UTS2: variants seen among roughly 807,000 people sequenced by gnomAD.
The protein encoded by UTS2 is urotensin 2, also known as urotensin-2.
UTS2 carries 10 observed loss-of-function variants against 12.6 expected under a neutral mutation model. The ratio of observed to expected loss-of-function variants is 0.80; its 90% CI spans 0.49 to 1.35. The LOEUF is 1.35. Ranked by LOEUF, UTS2 falls within the 40% of genes most tolerant of loss-of-function variation. UTS2 has a pLI of 0.00. For synonymous variants in UTS2, 52 were observed against 50.0 expected (o/e 1.04, Z -0.17); for missense variants, 142 against 143.2 (o/e 0.99, Z 0.04).
At chr1:7,868,854 G>T in the UTS2 span, among the ~76,000 whole-genome samples, 1 of 152,168 alleles carries the variant, frequency 6.6e-6, no homozygotes, top group South Asian at 2.1e-4. Context: ...GATCATGAGG[G>T]TGAGACCCCC....
At chr1:7,906,390 A>G in the UTS2 span, among the ~76,000 whole-genome samples, 6 of 150,620 alleles carry the variant, frequency 4.0e-5, no homozygotes, top group East Asian at 7.8e-4. Context: ...ATCTCACTTT[A>G]TAGCACAGCA....
At chr1:7,904,236 C>T in the UTS2 span, among the ~76,000 whole-genome samples, 2 of 150,442 alleles carry the variant, frequency 1.3e-5, no homozygotes, top group South Asian at 2.1e-4. Flanking sequence ...AGGCCCAAGG[C>T]GGAAGGATAG....
chr1:7,848,998 G>C (rs2097410949), intron 3 of UTS2, among the ~76,000 whole-genome samples: 1 of 152,182 alleles, frequency 6.6e-6, no homozygotes. Context: ...GCTTCCAGGT[G>C]CTCCCGGTGC....
At chr1:7,908,962 A>C in the UTS2 span, among the ~76,000 whole-genome samples, 1 of 152,074 alleles carries the variant, frequency 6.6e-6, no homozygotes. Flanking sequence ...GCGTGCCACC[A>C]CACCCAGCTA....
the UTS2 span, among the ~76,000 whole-genome samples, chr1:7,903,006 TCCCTCTTCCCCTCCTTCCCCTCCTC>T: frequency 8.6e-6 from 1 of 116,874 alleles, no homozygotes; most frequent in African/African-American, 4.7e-5. Flanking sequence ...CCTCCCTCCT[TCCCTCTTCCCCTCCTTCCCCTCCTC>T]CCCTCCTTCC....
the UTS2 span, among the ~76,000 whole-genome samples, chr1:7,892,474 T>G: frequency 4.0e-5 from 5 of 125,038 alleles, no homozygotes; most frequent in African/African-American, 1.2e-4. Context: ...TGCATGTTTT[T>G]TTTTTTTTTT....
rs1234965915 is a variant in UTS2 at position 7,847,620 on chromosome 1, A to ACAT, written c.*143_*145dup. 4.5e-6 allele frequency: 3 copies of ACAT among 672,410 alleles called. No individual in the cohort carries two copies. The highest frequency in any genetic ancestry group is 5.2e-6 in the Non-Finnish European group (2 of 384,960). 41.7% of individuals were successfully genotyped at this position (672,410 alleles called of 1,614,324 possible). Reference sequence around the variant, plus strand: ...AATAACCACTCATGATATGTGCAAAACATAGAGGATTTATTTTCCAGGTAA... The same window carrying ACAT: ...AATAACCACTCATGATATGTGCAAAACATCATAGAGGATTTATTTTCCAGGTAA... On this transcript the variant is annotated 3_prime_UTR_variant, in exon 4 of 4. Coordinates refer to ENST00000361696, the MANE Select transcript of UTS2 (RefSeq NM_006786.4).
chr1:7,906,268 T>A, the UTS2 span, among the ~76,000 whole-genome samples: 1 of 152,030 alleles, frequency 6.6e-6, no homozygotes, highest in Non-Finnish European at 1.5e-5. Flanking sequence ...TTCCTTTCCA[T>A]GTTCCTGCAA....
At chr1:7,896,998 G>GA in the UTS2 span, among the ~76,000 whole-genome samples, 26 of 146,612 alleles carry the variant, frequency 1.8e-4, no homozygotes, top group African/African-American at 2.7e-4. Context: ...GTGCCTGGCT[G>GA]AAAAAAAAAA....
upstream of UTS2, among the ~76,000 whole-genome samples, chr1:7,854,382 C>T (rs1638256787): frequency 6.9e-6 from 1 of 144,718 alleles, no homozygotes; most frequent in Non-Finnish European, 1.5e-5. Flanking sequence ...CTGTCTCTAC[C>T]AAAAATACAA....
chr1:7,910,685 G>A, the UTS2 span, among the ~76,000 whole-genome samples: 1 of 152,124 alleles, frequency 6.6e-6, no homozygotes, highest in African/African-American at 2.4e-5. Context: ...GAGCAAAGAA[G>A]AAATTTTCCA....
At chr1:7,871,891 CA>C in the UTS2 span, among the ~76,000 whole-genome samples, 59,485 of 151,908 alleles carry the variant, frequency 0.39, 12,478 homozygotes, top group African/African-American at 0.53. Context: ...TGGGCCTCCT[CA>C]ATTCCCTGAG....
the UTS2 span, among the ~76,000 whole-genome samples, chr1:7,870,059 A>G: frequency 6.6e-6 from 1 of 152,154 alleles, no homozygotes; most frequent in Non-Finnish European, 1.5e-5. Context: ...GACAGTTTTC[A>G]TTTCTATTTC....
the UTS2 span, among the ~76,000 whole-genome samples, chr1:7,908,999 G>T: frequency 6.6e-6 from 1 of 151,990 alleles, no homozygotes; most frequent in African/African-American, 2.4e-5. Flanking sequence ...TAGAGACTGG[G>T]TTTTACCATA....
the UTS2 span, among the ~76,000 whole-genome samples, chr1:7,900,665 C>A: frequency 5.3e-5 from 8 of 152,060 alleles, no homozygotes; most frequent in Admixed American, 5.2e-4. Context: ...CCTGTAATCC[C>A]AGCTACTCAG....
chr1:7,895,973 C>T, the UTS2 span, among the ~76,000 whole-genome samples: 1 of 152,100 alleles, frequency 6.6e-6, no homozygotes, highest in Non-Finnish European at 1.5e-5. Flanking sequence ...CAACATGCAC[C>T]TTTATATCAG....
At chr1:7,910,038 G>A in the UTS2 span, among the ~76,000 whole-genome samples, 1 of 152,140 alleles carries the variant, frequency 6.6e-6, no homozygotes, top group African/African-American at 2.4e-5. Context: ...ACAGCGTGTT[G>A]TTTAAGGAGG....
the UTS2 span, among the ~76,000 whole-genome samples, chr1:7,888,804 CA>C: frequency 2.6e-5 from 4 of 152,118 alleles, no homozygotes; most frequent in Admixed American, 2.0e-4. Flanking sequence ...TGGAGGAACA[CA>C]GGGGCTGACT....
At chr1:7,861,303 C>T in the UTS2 span, among the ~76,000 whole-genome samples, 1 of 152,064 alleles carries the variant, frequency 6.6e-6, no homozygotes, top group Non-Finnish European at 1.5e-5. Flanking sequence ...GCCTGTTAAA[C>T]CCCTGGGAGA....
Sources: allele counts gnomAD v4.1 joint callset (sites outside exome capture counted in the v4.1 genomes callset), GRCh38; gene constraint gnomAD v4.1.1; transcripts MANE v1.5; gene names NCBI Gene and HGNC (gene_info 2026-07-23, HGNC 2026-07-21).